Variants in OSBPL1A observed in about 807,000 individuals in gnomAD.
OSBPL1A encodes the protein oxysterol binding protein like 1A.
In OSBPL1A, 80 loss-of-function variants were observed where a neutral mutation model predicts 137.1. That is an observed-to-expected ratio of 0.58 (90% confidence interval 0.49 to 0.70). OSBPL1A has a LOEUF of 0.70. Among genes scored for constraint, OSBPL1A ranks in the 30% least tolerant of loss-of-function variants. The pLI is 0.00. For synonymous variants in OSBPL1A, 365 were observed against 389.7 expected, an observed-to-expected ratio of 0.94 and a Z score of 0.75; for missense variants, 970 against 1,129.4, an observed-to-expected ratio of 0.86 and a Z score of 2.02.
At chr18:24,364,528 G>C (rs1375401186) in intron 4 of OSBPL1A, among the ~76,000 whole-genome samples, 1 of 152,188 alleles carries the variant, frequency 6.6e-6, no homozygotes, top group African/African-American at 2.4e-5. Flanking sequence ...GGCTGAGGTA[G>C]GAAGATCACT....
chr18:24,327,118 T>C (rs1227884352), intron 7 of OSBPL1A, among the ~76,000 whole-genome samples: 7 of 150,844 alleles, frequency 4.6e-5, no homozygotes, highest in Non-Finnish European at 7.4e-5. Context: ...TTTCTTTTTT[T>C]TTTTTTTGAA....
At chr18:24,376,353 T>C (rs543816322) in intron 2 of OSBPL1A, among the ~76,000 whole-genome samples, 1 of 152,320 alleles carries the variant, frequency 6.6e-6, no homozygotes, top group African/African-American at 2.4e-5. Flanking sequence ...ATACAGAGTA[T>C]TGATTGGTGC....
chr18:24,169,392 C>T (rs1454009116), intron 24 of OSBPL1A, among the ~76,000 whole-genome samples: 1 of 152,174 alleles, frequency 6.6e-6, no homozygotes, highest in Non-Finnish European at 1.5e-5. Context: ...GAAGCTGGGC[C>T]GCCTGCATTT....
chr18:24,198,637 G>C (rs1370590451), intron 17 of OSBPL1A, among the ~76,000 whole-genome samples: 1 of 152,010 alleles, frequency 6.6e-6, no homozygotes, highest in Non-Finnish European at 1.5e-5. Flanking sequence ...GAAGCAGCAA[G>C]AGAAACACCG....
At position 24,170,390 on chromosome 18, in the gene OSBPL1A, G is replaced by A; in HGVS notation, c.2355C>T (p.Ala785=). 1 of 1,613,982 alleles carries A rather than the reference G, an allele frequency of 6.2e-7. No homozygotes were observed. Among genetic ancestry groups the A allele is most frequent in the Non-Finnish European group, 8.5e-7 (1 of 1,179,932 alleles). ...WTECLYSVDP[A]TFDAYKKNDK... Reference sequence around the variant, plus strand: ...CATTTTTTTTGTAAGCGTCAAACGTGGCAGGGTCAACACTGTATAAACATT... The same window carrying A: ...CATTTTTTTTGTAAGCGTCAAACGTAGCAGGGTCAACACTGTATAAACATT... The change falls in exon 24 of 28, where the codon GCC becomes GCT. Residue 785 remains alanine (A), a synonymous_variant. Coordinates refer to ENST00000319481, the MANE Select transcript of OSBPL1A (RefSeq NM_080597.4).
At chr18:24,356,538 T>G (rs1015585490) in intron 4 of OSBPL1A, among the ~76,000 whole-genome samples, 1 of 152,094 alleles carries the variant, frequency 6.6e-6, no homozygotes, top group African/African-American at 2.4e-5. Context: ...TGGCTCACGG[T>G]GCGGGTGCTG....
chr18:24,283,591 G>T (rs185951413), intron 14 of OSBPL1A, among the ~76,000 whole-genome samples: 78 of 152,086 alleles, frequency 5.1e-4, no homozygotes, highest in African/African-American at 1.8e-3. Context: ...GGTGCCATAT[G>T]ACTTAAATAG....
intron 15 of OSBPL1A, among the ~76,000 whole-genome samples, chr18:24,270,737 C>A (rs2089697447): frequency 1.3e-5 from 2 of 151,738 alleles, no homozygotes; most frequent in South Asian, 4.2e-4. Flanking sequence ...ATTTAGACAC[C>A]CCCCACCCCA....
chr18:24,227,497 T>C (rs950769705), intron 16 of OSBPL1A, among the ~76,000 whole-genome samples: 18 of 152,172 alleles, frequency 1.2e-4, no homozygotes, highest in African/African-American at 4.3e-4. Flanking sequence ...GCCAGTCTGG[T>C]TCAGGTAAAC....
chr18:24,169,925 A>G (rs746215215), intron 24 of OSBPL1A, among the ~76,000 whole-genome samples: 2 of 152,254 alleles, frequency 1.3e-5, no homozygotes, highest in African/African-American at 2.4e-5. Context: ...ACGATAAGGA[A>G]CAAGGCAACA....
chr18:24,377,403 CAA>C lies in OSBPL1A; in HGVS notation c.121+8_121+9del, dbSNP rs1906264615. 1.9e-6 allele frequency: 3 copies of C among 1,599,204 alleles called. No homozygotes were observed. The highest frequency in any genetic ancestry group is 1.8e-5 in the Admixed American group (1 of 55,612). ...ATAAGAGAAAGCTACAAAATCCATT[CAA>C]AGTTTACCTTTGCAATTAATGTCAG... On this transcript the variant is annotated splice_region_variant and intron_variant, in intron 2 of 27. Transcript: ENST00000319481.
At chr18:24,283,964 G>GTATA (rs988313634) in intron 14 of OSBPL1A, among the ~76,000 whole-genome samples, 3 of 151,336 alleles carry the variant, frequency 2.0e-5, no homozygotes, top group African/African-American at 7.3e-5. Context: ...ATATGTGTGT[G>GTATA]TATATATATA....
At chr18:24,171,690 G>A (rs373360694) in intron 22 of OSBPL1A, among the ~76,000 whole-genome samples, 192 bp from the exon 23 acceptor site, 8 of 152,306 alleles carry the variant, frequency 5.3e-5, no homozygotes, top group South Asian at 4.1e-4. Context: ...TATGTGAGGG[G>A]CAGAAAGAAT....
At chr18:24,358,442 G>T (rs1216502022) in intron 4 of OSBPL1A, 1 of 702,254 alleles carries the variant, frequency 1.4e-6, no homozygotes, top group Non-Finnish European at 2.6e-6. Flanking sequence ...TCGTGCACAG[G>T]TGTGATGCCA....
At position 24,271,970 on chromosome 18, in the gene OSBPL1A, C is replaced by G. The variant is rs2089733202; in HGVS notation, c.1281+8872G>C. 1.0e-6 allele frequency: 1 copy of G among 981,996 alleles called. No individual in the cohort carries two copies. The highest frequency in any genetic ancestry group is 4.7e-5 in the South Asian group (1 of 21,310). The allele number at this position is 981,996 out of a possible 1,614,324, so 60.8% of individuals were successfully genotyped here. On this transcript the variant is annotated intron_variant, in intron 15 of 27. Transcript: ENST00000319481. This position sits in a 1 kb window ranked among gnomAD's most constrained non-coding sequence, Gnocchi z 4.0. ...CCGCAGACCCGCCCTCCGGGGCTCG[C>G]GGGGAGAGCGCGGGCGGGCGGCGGC...
At chr18:24,248,690 T>C (rs1340248788) in intron 15 of OSBPL1A, among the ~76,000 whole-genome samples, 1 of 152,202 alleles carries the variant, frequency 6.6e-6, no homozygotes. Flanking sequence ...TAAATCAGGG[T>C]AGAATTTGGA....
chr18:24,233,629 T>TTCTTTCTC (rs542447999), intron 16 of OSBPL1A, among the ~76,000 whole-genome samples: 22 of 152,160 alleles, frequency 1.4e-4, no homozygotes, highest in African/African-American at 4.6e-4. Flanking sequence ...TTTTCTTTCT[T>TTCTTTCTC]TCTTTCTCTC....
intron 17 of OSBPL1A, among the ~76,000 whole-genome samples, chr18:24,222,484 A>C (rs1162950820): frequency 6.6e-6 from 1 of 152,164 alleles, no homozygotes; most frequent in Non-Finnish European, 1.5e-5. Flanking sequence ...AATTAGGTCC[A>C]AGCTTTGAGA....
intron 4 of OSBPL1A, among the ~76,000 whole-genome samples, chr18:24,350,617 C>T (rs75639999): frequency 0.012 from 1,809 of 152,200 alleles, 16 homozygotes; most frequent in Non-Finnish European, 0.019. Context: ...AATTTATATA[C>T]TTCCAGTGAT....
Sources: gnomAD v4.1 joint callset for allele counts (sites outside exome capture counted in the v4.1 genomes callset) on GRCh38, gnomAD v4.1.1 for gene constraint, Gnocchi (gnomAD v3.1) non-coding constraint, MANE v1.5 for transcripts, NCBI Gene and HGNC (gene_info 2026-07-23, HGNC 2026-07-21) for gene names.